The following NLN variants were observed in gnomAD, a reference collection of about 807,000 sequenced individuals.
NLN encodes neurolysin, mitochondrial.
In NLN, 64 loss-of-function variants were observed where a neutral mutation model predicts 79.9. The ratio of observed to expected loss-of-function variants is 0.80; its 90% CI spans 0.65 to 0.99. NLN has a LOEUF of 0.99. Among genes scored for constraint, NLN ranks in the 50% least tolerant of loss-of-function variants. NLN has a pLI of 0.00. For missense variants in NLN, 835 were observed against 858.7 expected (o/e 0.97, Z 0.34); for synonymous variants, 267 against 296.6 (o/e 0.90, Z 1.02).
chr5:65,794,743 G>A (rs1182012817), intron 9 of NLN, among the ~76,000 whole-genome samples: 1 of 152,142 alleles, frequency 6.6e-6, no homozygotes, highest in Non-Finnish European at 1.5e-5. Flanking sequence ...CAGTCTTTTT[G>A]TTGTCCTGAC....
rs1760864238 is a variant in NLN, at chr5:65,824,093, T to G, written c.*1178T>G. 1 of 152,138 alleles carries G rather than the reference T, an allele frequency of 6.6e-6. No homozygotes were observed. Among genetic ancestry groups the G allele is most frequent in the Non-Finnish European group, 1.5e-5 (1 of 68,010 alleles). The allele number at this position is 152,138 out of a possible 1,614,324, so 9.4% of individuals were successfully genotyped here. On this transcript the variant is annotated 3_prime_UTR_variant, in exon 13 of 13. Coordinates refer to ENST00000380985, the MANE Select transcript of NLN (RefSeq NM_020726.5). ...AGCAGATCAGTAAACTCACAGTATT[T>G]TTCCTGTGGAAATCTATTCAATAAG...
At chr5:65,738,423 A>G (rs745349631) in intron 1 of NLN, among the ~76,000 whole-genome samples, 3 of 151,846 alleles carry the variant, frequency 2.0e-5, no homozygotes, top group Non-Finnish European at 2.9e-5. Context: ...GTTTCTACAA[A>G]AAATGTAAAA....
intron 3 of NLN, among the ~76,000 whole-genome samples, chr5:65,769,686 C>A (rs1759528201): frequency 6.6e-6 from 1 of 152,180 alleles, no homozygotes; most frequent in African/African-American, 2.4e-5. Context: ...ATTTGTGTAG[C>A]AATATGACTC....
chr5:65,797,698 G>C (rs926568231), intron 9 of NLN, among the ~76,000 whole-genome samples: 3 of 152,224 alleles, frequency 2.0e-5, no homozygotes, highest in Admixed American at 2.0e-4. Flanking sequence ...CCATATGTAC[G>C]TGAAGTATTC....
chr5:65,815,145 G>A (rs531824305), intron 12 of NLN, among the ~76,000 whole-genome samples: 41 of 152,154 alleles, frequency 2.7e-4, no homozygotes, highest in African/African-American at 9.9e-4. Flanking sequence ...TGGCATAAGT[G>A]TACACTGCCT....
At position 65,826,349 on chromosome 5, in the gene NLN, AT is replaced by A. The variant is rs1253867706; in HGVS notation, c.*3436del. The A allele has an allele frequency of 2.0e-5, 3 of 152,198 alleles. No individual in the cohort carries two copies. The highest frequency in any genetic ancestry group is 3.9e-4 in the East Asian group (2 of 5,180). The allele number at this position is 152,198 out of a possible 1,614,324, so 9.4% of individuals were successfully genotyped here. A position where few individuals can be genotyped will look rare whatever the true frequency, so the allele number is the denominator to read the frequency against. ...AGGCCCCACCCCCTAACCCCATCACATTGGCTGTTACGGCTTCAATGTAGGG... is the reference window on the plus strand; with the variant it reads ...AGGCCCCACCCCCTAACCCCATCACATGGCTGTTACGGCTTCAATGTAGGG... On this transcript the variant is annotated 3_prime_UTR_variant, in exon 13 of 13. Coordinates refer to ENST00000380985, the MANE Select transcript of NLN (RefSeq NM_020726.5).
intron 9 of NLN, among the ~76,000 whole-genome samples, chr5:65,796,252 T>C (rs1176492935): frequency 6.6e-6 from 1 of 152,206 alleles, no homozygotes; most frequent in Non-Finnish European, 1.5e-5. Flanking sequence ...ACAGTCCTCT[T>C]ATCAACTTAT....
In NLN at chr5:65,824,207, C is replaced by T. The variant is rs546428262; in HGVS notation, c.*1292C>T. On this transcript the variant is annotated 3_prime_UTR_variant, in exon 13 of 13. Transcript: ENST00000380985. The stretch of plus-strand genomic sequence containing the variant: ...TCCAGTTGTTTTCCAGCGCATACCT[C>T]AGGTATGACTTTGCTAGCCGGGGAC... The T allele has an allele frequency of 6.6e-5, 10 of 152,134 alleles. No individual in the cohort carries two copies. The highest frequency in any genetic ancestry group is 1.3e-4 in the Non-Finnish European group (9 of 68,034). The allele number at this position is 152,134 out of a possible 1,614,324, so 9.4% of individuals were successfully genotyped here. A position where few individuals can be genotyped will look rare whatever the true frequency, so the allele number is the denominator to read the frequency against.
Position 65,823,007 on chromosome 5 carries a change from G to A in NLN, c.*92G>A. The A allele has an allele frequency of 1.0e-6, 1 of 967,012 alleles. No homozygotes were observed. The highest frequency in any genetic ancestry group is 1.6e-6 in the Non-Finnish European group (1 of 634,414). The allele number at this position is 967,012 out of a possible 1,614,324, so 59.9% of individuals were successfully genotyped here. A position where few individuals can be genotyped will look rare whatever the true frequency, so the allele number is the denominator to read the frequency against. On this transcript the variant is annotated 3_prime_UTR_variant, in exon 13 of 13. Coordinates refer to ENST00000380985, the MANE Select transcript of NLN (RefSeq NM_020726.5). ...GGAAACTGAAGGGAGTTTTGCAAGT[G>A]AAAATTTAGATTTCTATTGACATCC...
intron 3 of NLN, among the ~76,000 whole-genome samples, chr5:65,772,107 G>A (rs561171491): frequency 6.6e-6 from 1 of 152,096 alleles, no homozygotes; most frequent in Admixed American, 6.5e-5. Flanking sequence ...GGTCTTAAAA[G>A]CCTAGGGATC....
intron 2 of NLN, among the ~76,000 whole-genome samples, chr5:65,761,364 C>A (rs896262684): frequency 6.6e-6 from 1 of 151,942 alleles, no homozygotes; most frequent in African/African-American, 2.4e-5. Flanking sequence ...GTAATCTTGG[C>A]TCACTGCAAC....
At chr5:65,752,528 G>T (rs987052571) in intron 1 of NLN, among the ~76,000 whole-genome samples, 10 of 152,178 alleles carry the variant, frequency 6.6e-5, no homozygotes. Flanking sequence ...TCTTCACCAG[G>T]TTCTCAAGAA....
chr5:65,734,295 C>T lies in NLN; in HGVS notation c.41+11881C>T, dbSNP rs1338244005. 2.2e-5 allele frequency among the ~76,000 whole-genome samples: 3 copies of T among 138,746 alleles called. 1 individual carries two copies. Among genetic ancestry groups the T allele is most frequent in the East Asian group, 4.0e-4 (2 of 5,008 alleles). 91.0% of individuals were successfully genotyped at this position (138,746 alleles called of 152,430 possible). On this transcript the variant is annotated intron_variant, in intron 1 of 12. Transcript: ENST00000380985. ...GTTTACAGGCATGAGCAGCCTGGCC[C>T]GGTCAGGTGCATCTTAAAGGAAGCA... is the stretch of plus-strand genomic sequence containing the variant.
chr5:65,790,409 C>G (rs1475353458), intron 8 of NLN, among the ~76,000 whole-genome samples: 1 of 152,196 alleles, frequency 6.6e-6, no homozygotes, highest in Non-Finnish European at 1.5e-5. Flanking sequence ...GTTTAATTGA[C>G]TTACAGTTCT....
chr5:65,799,912 C>T (rs923520790), intron 9 of NLN, among the ~76,000 whole-genome samples: 1 of 145,794 alleles, frequency 6.9e-6, no homozygotes, highest in African/African-American at 2.7e-5. Flanking sequence ...AGATAGTGGT[C>T]ACTTTAAAAA....
intron 12 of NLN, among the ~76,000 whole-genome samples, chr5:65,819,209 T>C (rs1362587545): frequency 1.3e-5 from 2 of 152,142 alleles, no homozygotes; most frequent in African/African-American, 2.4e-5. Flanking sequence ...TTCCCTGAAC[T>C]GTATATAAGT....
Position 65,722,427 on chromosome 5 carries a change from C to T in NLN, c.41+13C>T. The T allele has an allele frequency of 1.9e-6, 3 of 1,582,240 alleles. No homozygotes were observed. The highest frequency in any genetic ancestry group is 1.7e-4 in the Middle Eastern group (1 of 6,002). ...GAAGCCTCCGCAGGTACCTCCAGCGCGCGGGTTAACCTTGGCCGTGGGCAG... is the reference window on the plus strand; with the variant it reads ...GAAGCCTCCGCAGGTACCTCCAGCGTGCGGGTTAACCTTGGCCGTGGGCAG... On this transcript the variant is annotated intron_variant, in intron 1 of 12. Transcript: ENST00000380985.
chr5:65,825,525 GT>G lies in NLN; in HGVS notation c.*2614del, dbSNP rs1000005800. The G allele has an allele frequency of 6.6e-6, 1 of 152,128 alleles. No individual in the cohort carries two copies. The highest frequency in any genetic ancestry group is 2.4e-5 in the African/African-American group (1 of 41,412). The allele number at this position is 152,128 out of a possible 1,614,324, so 9.4% of individuals were successfully genotyped here. A position where few individuals can be genotyped will look rare whatever the true frequency, so the allele number is the denominator to read the frequency against. The stretch of plus-strand genomic sequence containing the variant: ...CTGCAGAGAAGAGAAATGTCTTGAC[GT>G]TTTGCCACCTGATGTAGACTTTGTC... On this transcript the variant is annotated 3_prime_UTR_variant, in exon 13 of 13. Transcript: ENST00000380985.
chr5:65,800,661 C>G (rs926541349), intron 9 of NLN, among the ~76,000 whole-genome samples: 1 of 72,602 alleles, frequency 1.4e-5, no homozygotes, highest in Non-Finnish European at 3.2e-5. Context: ...GAAGAAAACT[C>G]TCTTATTTAT....
Sources: allele counts gnomAD v4.1 joint callset (sites outside exome capture counted in the v4.1 genomes callset), GRCh38; gene constraint gnomAD v4.1.1; transcripts MANE v1.5; gene names NCBI Gene and HGNC (gene_info 2026-07-23, HGNC 2026-07-21).